Variants in HDX observed in about 807,000 individuals in gnomAD.
HDX encodes highly divergent homeobox.
In HDX, 19 loss-of-function variants were observed where a neutral mutation model predicts 45.2. That is an observed-to-expected ratio of 0.42 (90% confidence interval 0.29 to 0.62). HDX has a LOEUF of 0.62. HDX is among the 20% of genes least tolerant of loss of function. The pLI is 0.20. For synonymous variants in HDX, 188 were observed against 172.8 expected, an observed-to-expected ratio of 1.09 and a Z score of -0.69; for missense variants, 532 against 493.9, an observed-to-expected ratio of 1.08 and a Z score of -0.73.
intron 4 of HDX, among the ~76,000 whole-genome samples, chrX:84,459,457 AAAAAG>A (rs1327323384): frequency 2.7e-5 from 3 of 111,089 alleles, no homozygotes; most frequent in African/African-American, 6.5e-5. Context: ...AAAAAAAGAA[AAAAAG>A]AAAAGAAAAG....
chrX:84,334,180 G>A (rs1047436969), intron 8 of HDX, among the ~76,000 whole-genome samples: 1 of 111,548 alleles, frequency 9.0e-6, no homozygotes, highest in Middle Eastern at 4.2e-3. Flanking sequence ...ATTTTAATGC[G>A]AGTAAACATA....
rs1199941621 is a variant in HDX at position 84,319,812 on chromosome X, G to T, written c.*2077C>A. On this transcript the variant is annotated 3_prime_UTR_variant, in exon 11 of 11. Coordinates refer to ENST00000373177, the MANE Select transcript of HDX (RefSeq NM_001177479.2). ...GAAATAATTATTTGTGATGTTTACA[G>T]CTTGCTGAGAAATCCAATGTCCAGC... The T allele has an allele frequency of 9.0e-6, 1 of 111,277 alleles. No homozygotes were observed. The highest frequency in any genetic ancestry group is 1.9e-5 in the Non-Finnish European group (1 of 52,569). The allele number at this position is 111,277 out of a possible 1,213,427, so 9.2% of individuals were successfully genotyped here.
At chrX:84,323,359 G>C (rs1233019567) in intron 10 of HDX, among the ~76,000 whole-genome samples, 1 of 110,650 alleles carries the variant, frequency 9.0e-6, no homozygotes, top group African/African-American at 3.3e-5. Flanking sequence ...AGTGCAATGG[G>C]GTCTTTTCTG....
intron 5 of HDX, among the ~76,000 whole-genome samples, chrX:84,439,486 T>C (rs1265032660): frequency 9.0e-6 from 1 of 111,226 alleles, no homozygotes; most frequent in Non-Finnish European, 1.9e-5. Context: ...CCAAAGCCAA[T>C]GTTGAGCAGG....
intron 9 of HDX, among the ~76,000 whole-genome samples, chrX:84,327,590 CAA>C (rs892023407): frequency 9.2e-6 from 1 of 108,912 alleles, no homozygotes; most frequent in African/African-American, 3.3e-5. Flanking sequence ...AATCCACATG[CAA>C]AAAAAAAGTT....
intron 5 of HDX, among the ~76,000 whole-genome samples, chrX:84,388,673 G>A (rs890439249): frequency 1.8e-5 from 2 of 111,621 alleles, no homozygotes; most frequent in African/African-American, 3.3e-5. Flanking sequence ...TTCTTAAAAT[G>A]TCTATTTTAT....
At chrX:84,379,565 C>T (rs1372908948) in intron 5 of HDX, among the ~76,000 whole-genome samples, 2 of 111,050 alleles carry the variant, frequency 1.8e-5, no homozygotes, top group Non-Finnish European at 3.8e-5. Flanking sequence ...AACTAGAAAT[C>T]AATAGCAAGA....
rs186662868 is a variant in HDX, at chrX:84,450,683, A to G, written c.1252-10098T>C. ...AAATACTGTATTTAAACCATAAATT[A>G]CATCAATTGGACTTAAAACACATTT... On this transcript the variant is annotated intron_variant, in intron 4 of 10. Coordinates refer to ENST00000373177, the MANE Select transcript of HDX (RefSeq NM_001177479.2). Among the ~76,000 whole-genome samples, 617 of 112,547 alleles carry G rather than the reference A, an allele frequency of 5.5e-3. 3 individuals are homozygous for G. Among genetic ancestry groups the G allele is most frequent in the Non-Finnish European group, 8.2e-3 (436 of 53,249 alleles).
At chrX:84,348,155 T>A (rs1299425800) in intron 6 of HDX, among the ~76,000 whole-genome samples, 1 of 111,785 alleles carries the variant, frequency 8.9e-6, no homozygotes, top group African/African-American at 3.2e-5. Context: ...GTTCCATTTT[T>A]AATCAATATT....
At chrX:84,453,907 A>C (rs1342913667) in intron 4 of HDX, among the ~76,000 whole-genome samples, 4 of 111,773 alleles carry the variant, frequency 3.6e-5, no homozygotes, top group African/African-American at 1.3e-4. Context: ...ATAGTATCCA[A>C]GGAAGAGTCT....
chrX:84,477,408 A>G (rs2040578237), intron 2 of HDX, among the ~76,000 whole-genome samples: 1 of 112,010 alleles, frequency 8.9e-6, no homozygotes, highest in Non-Finnish European at 1.9e-5. Context: ...ATATCAACCT[A>G]CAAAACACAC....
chrX:84,494,314 G>A (rs768244182), intron 1 of HDX, among the ~76,000 whole-genome samples: 1 of 112,210 alleles, frequency 8.9e-6, no homozygotes, highest in African/African-American at 3.2e-5. Context: ...AAAATGTGCA[G>A]GTAAATCACT....
chrX:84,481,097 T>G (rs1463355646), intron 2 of HDX, among the ~76,000 whole-genome samples: 1 of 111,571 alleles, frequency 9.0e-6, no homozygotes, highest in African/African-American at 3.3e-5. Context: ...TTCATCTAAG[T>G]TGTTGAACTC....
At chrX:84,498,821 GCACACACACACA>G (rs202067754) in intron 1 of HDX, among the ~76,000 whole-genome samples, 23,434 of 94,454 alleles carry the variant, frequency 0.25, 2,280 homozygotes, top group African/African-American at 0.31. Context: ...TGGAATGTAT[GCACACACACACA>G]CACACACACA....
rs61537095 is a variant in HDX at position 84,417,218 on chromosome X, G to GAAAAAGAAAGAAAGAAAGAAAGAAAGAA, written c.1305+23313_1305+23314insTTCTTTCTTTCTTTCTTTCTTTCTTTTT. Among the ~76,000 whole-genome samples the GAAAAAGAAAGAAAGAAAGAAAGAAAGAA allele has an allele frequency of 4.8e-4, 48 of 100,295 alleles. 1 individual carries two copies. In the East Asian group the frequency reaches 0.013, roughly 28 times the overall value. 87.1% of individuals were successfully genotyped at this position (100,295 alleles called of 115,157 possible). ...AAAGAAAGAAGAAAGAAAAAAAAGA[G>GAAAAAGAAAGAAAGAAAGAAAGAAAGAA]AGAAAGAAAGAAAGAAAGAAAGAAA... On this transcript the variant is annotated intron_variant, in intron 5 of 10. Transcript: ENST00000373177.
intron 1 of HDX, among the ~76,000 whole-genome samples, chrX:84,492,520 A>G (rs772026482): frequency 1.8e-5 from 2 of 111,233 alleles, no homozygotes; most frequent in East Asian, 5.7e-4. Context: ...TTCATCTGGA[A>G]AATGGGACTA....
rs182895230 is a variant in HDX at position 84,427,063 on chromosome X, G to A, written c.1305+13469C>T. On this transcript the variant is annotated intron_variant, in intron 5 of 10. Coordinates refer to ENST00000373177, the MANE Select transcript of HDX (RefSeq NM_001177479.2). The stretch of plus-strand genomic sequence containing the variant: ...TATAATTTTTAAGATAGTAGCTTTC[G>A]TGTTGTGTTCTTACCAGAATTTATA... Among the ~76,000 whole-genome samples, 177 of 110,591 alleles carry A rather than the reference G, an allele frequency of 1.6e-3. 1 individual carries two copies. Among genetic ancestry groups the A allele is most frequent in the African/African-American group, 5.2e-3 (160 of 30,639 alleles).
chrX:84,411,268 ATCTT>A (rs2038980389), intron 5 of HDX, among the ~76,000 whole-genome samples: 1 of 110,731 alleles, frequency 9.0e-6, no homozygotes, highest in Non-Finnish European at 1.9e-5. Flanking sequence ...TTAATTTGAG[ATCTT>A]TCTAACTTCT....
At chrX:84,336,768 T>C in intron 8 of HDX, 33 bp downstream of exon 8, 1 of 914,181 alleles carries the variant, frequency 1.1e-6, no homozygotes, top group Non-Finnish European at 1.6e-6. Context: ...AAATCAACCA[T>C]GTAATGAGAA....
Sources: gnomAD v4.1 joint callset for allele counts (sites outside exome capture counted in the v4.1 genomes callset) on GRCh38, gnomAD v4.1.1 for gene constraint, MANE v1.5 for transcripts, NCBI Gene and HGNC (gene_info 2026-07-23, HGNC 2026-07-21) for gene names.